The following LRRC20 variants were observed in gnomAD, a reference collection of about 807,000 sequenced individuals.
LRRC20 encodes the protein leucine rich repeat containing 20.
Under a neutral mutation model 14.4 loss-of-function variants are expected in LRRC20, and 11 were observed. That is an observed-to-expected ratio of 0.77 (90% CI 0.48 to 1.27). The LOEUF (loss-of-function observed/expected upper bound fraction) is 1.27. Among genes scored for constraint, LRRC20 ranks in the 50% most tolerant of loss-of-function variants. The pLI, the probability that LRRC20 is intolerant of heterozygous loss-of-function variation, is 0.00. For missense variants in LRRC20, 219 were observed against 251.2 expected, an observed-to-expected ratio of 0.87 and a Z score of 0.87; for synonymous variants, 121 against 107.3, an observed-to-expected ratio of 1.13 and a Z score of -0.79.
At chr10:70,301,608 G>C (rs1004832777) in intron 4 of LRRC20, 100 bp from the exon 5 acceptor site, 14 of 1,428,292 alleles carry the variant, frequency 9.8e-6, no homozygotes, top group Non-Finnish European at 1.3e-5. Flanking sequence ...ATGGTGAGGG[G>C]CAGCTCTCCA....
intron 2 of LRRC20, among the ~76,000 whole-genome samples, chr10:70,371,084 AT>A (rs35518062): frequency 0.078 from 11,794 of 150,530 alleles, 487 homozygotes; most frequent in African/African-American, 0.095. Context: ...CTTAAATCAG[AT>A]TTTTTTTTTC....
At chr10:70,369,668 C>G (rs1244745867) in intron 2 of LRRC20, among the ~76,000 whole-genome samples, 1 of 148,550 alleles carries the variant, frequency 6.7e-6, no homozygotes, top group African/African-American at 2.5e-5. Context: ...ATGTTTCTCA[C>G]ACCTTTCTTT....
At chr10:70,367,107 T>C (rs1844030781) in intron 2 of LRRC20, among the ~76,000 whole-genome samples, 2 of 151,932 alleles carry the variant, frequency 1.3e-5, no homozygotes, top group Admixed American at 6.6e-5. Context: ...GGAGGAATGC[T>C]TGAGCCCAGG....
At chr10:70,320,548 T>C (rs1842038359) in intron 4 of LRRC20, among the ~76,000 whole-genome samples, 1 of 152,216 alleles carries the variant, frequency 6.6e-6, no homozygotes, top group Non-Finnish European at 1.5e-5. Context: ...GTCTCACTTA[T>C]TTCAGAGGAG....
At chr10:70,331,751 C>T (rs1842543195) in intron 3 of LRRC20, among the ~76,000 whole-genome samples, 1 of 152,230 alleles carries the variant, frequency 6.6e-6, no homozygotes, top group South Asian at 2.1e-4. Context: ...CTCCATTCCA[C>T]TCCCAACGTT....
intron 3 of LRRC20, 99 bp downstream of exon 3, chr10:70,340,454 T>C (rs1298916184): frequency 1.6e-5 from 22 of 1,419,066 alleles, no homozygotes; most frequent in Non-Finnish European, 4.9e-6. Context: ...TGGGTGTCGC[T>C]GACCAGGGAC....
In LRRC20 at chr10:70,324,010, A is replaced by C; in HGVS notation, c.253T>G (p.Phe85Val). ...QLRELHLEGN[F>V]LHRLPSEVSA... ...ACCTCGCTGGGGAGGCGGTGTAGGA[A>C]GTTCCCCTCCAGGTGGAGCTCTGCC... Residue 85 changes from phenylalanine (F) to valine (V), a missense_variant, in exon 4 of 5, where the codon TTC becomes GTC. Transcript: ENST00000446961. The C allele has an allele frequency of 2.5e-6, 4 of 1,614,054 alleles. No homozygotes were observed.
chr10:70,302,312 C>CAA (rs908066949), intron 4 of LRRC20, among the ~76,000 whole-genome samples: 10 of 142,342 alleles, frequency 7.0e-5, no homozygotes, highest in African/African-American at 2.1e-4. Flanking sequence ...AGCTCTGTCT[C>CAA]AAAAAAAAAA....
intron 4 of LRRC20, among the ~76,000 whole-genome samples, chr10:70,314,748 T>C (rs1407935669): frequency 6.6e-6 from 1 of 152,182 alleles, no homozygotes; most frequent in Non-Finnish European, 1.5e-5. Context: ...ACTTCCATTC[T>C]GGGTGCCACC....
intron 4 of LRRC20, among the ~76,000 whole-genome samples, chr10:70,321,163 C>G (rs1362069172): frequency 6.6e-6 from 1 of 152,158 alleles, no homozygotes; most frequent in Non-Finnish European, 1.5e-5. Flanking sequence ...TTTTTTCCAC[C>G]ACCCTCTAAG....
chr10:70,301,236 T>C lies in LRRC20; in HGVS notation c.*118A>G, dbSNP rs906725448. On this transcript the variant is annotated 3_prime_UTR_variant, in exon 5 of 5. Transcript: ENST00000446961. The stretch of plus-strand genomic sequence containing the variant: ...GACCAGCTGCACCCCACCCACCACG[T>C]GCTGCTCGGCCCACCCGCCCCCAGC... 2.6e-5 allele frequency: 38 copies of C among 1,464,692 alleles called. No individual in the cohort carries two copies. The highest frequency in any genetic ancestry group is 2.4e-5 in the East Asian group (1 of 41,258). 90.7% of individuals were successfully genotyped at this position (1,464,692 alleles called of 1,614,324 possible). A position where few individuals can be genotyped will look rare whatever the true frequency, so the allele number is the denominator to read the frequency against.
At chr10:70,336,225 G>A (rs4747006) in intron 3 of LRRC20, among the ~76,000 whole-genome samples, 83,123 of 152,036 alleles carry the variant, frequency 0.55, 22,863 homozygotes, top group African/African-American at 0.59. Context: ...CAGCCACACC[G>A]AACCCAATGC....
intron 4 of LRRC20, among the ~76,000 whole-genome samples, chr10:70,316,952 C>G (rs1841887955): frequency 6.6e-6 from 1 of 152,244 alleles, no homozygotes; most frequent in Admixed American, 6.5e-5. Flanking sequence ...GAGGGCAAGT[C>G]ATCCTGTCAT....
chr10:70,361,615 C>T (rs959698404), intron 2 of LRRC20, among the ~76,000 whole-genome samples: 2 of 152,134 alleles, frequency 1.3e-5, no homozygotes, highest in Non-Finnish European at 2.9e-5. Flanking sequence ...GCAGGGCATA[C>T]AAAGATTTGG....
Position 70,352,596 on chromosome 10 carries a change from C to T in LRRC20, c.83-11894G>A, listed in dbSNP as rs566933204. Among the ~76,000 whole-genome samples, 226 of 152,254 alleles carry T rather than the reference C, an allele frequency of 1.5e-3. 1 individual carries two copies. Among genetic ancestry groups the T allele is most frequent in the Non-Finnish European group, 2.7e-3 (181 of 68,028 alleles). On this transcript the variant is annotated intron_variant, in intron 2 of 4. Transcript: ENST00000446961. ...ACTTTGGGTAACAATGATGCACCAA[C>T]GTAGGTTCACCAATTGTAGTAAATA... is the stretch of plus-strand genomic sequence containing the variant.
At chr10:70,356,741 C>T (rs1362013790) in intron 2 of LRRC20, among the ~76,000 whole-genome samples, 1 of 151,774 alleles carries the variant, frequency 6.6e-6, no homozygotes, top group Non-Finnish European at 1.5e-5. Flanking sequence ...GTCACAGCTA[C>T]TCAGGAGGCT....
At position 70,299,664 on chromosome 10, in the gene LRRC20, C is replaced by T. The variant is rs561451267; in HGVS notation, c.*1690G>A. ...CAAGGAGAAACCCCACTCCAGGGCA[C>T]AAGGCAGGTGGGGCCAGCGCAGCCT... On this transcript the variant is annotated 3_prime_UTR_variant, in exon 5 of 5. Coordinates refer to ENST00000446961, the MANE Select transcript of LRRC20 (RefSeq NM_001278212.2). 6.6e-6 allele frequency: 1 copy of T among 152,588 alleles called. No individual in the cohort carries two copies. Among genetic ancestry groups the T allele is most frequent in the Admixed American group, 6.5e-5 (1 of 15,300 alleles). 9.5% of individuals were successfully genotyped at this position (152,588 alleles called of 1,614,324 possible).
At chr10:70,376,734 C>T in intron 1 of LRRC20, 138 bp from the exon 2 acceptor site, 1 of 586,518 alleles carries the variant, frequency 1.7e-6, no homozygotes, top group Non-Finnish European at 3.0e-6. Flanking sequence ...CTCACCTCCT[C>T]TTGCAGGGCC....
chr10:70,324,070 G>A, intron 3 of LRRC20, 40 bp from the exon 4 acceptor site: 2 of 1,601,082 alleles, frequency 1.2e-6, no homozygotes, highest in Non-Finnish European at 1.7e-6. Flanking sequence ...GGATGAGGAG[G>A]GGGCCACCCC....
Sources: allele counts gnomAD v4.1 joint callset (sites outside exome capture counted in the v4.1 genomes callset), GRCh38; gene constraint gnomAD v4.1.1; transcripts MANE v1.5; gene names NCBI Gene and HGNC (gene_info 2026-07-23, HGNC 2026-07-21).